The following KCNK1 variants were observed in gnomAD, a reference collection of about 807,000 sequenced individuals.
KCNK1 encodes the protein potassium channel subfamily K member 1.
Under a neutral mutation model 22.2 loss-of-function variants are expected in KCNK1, and 10 were observed. That is an observed-to-expected ratio of 0.45 (90% confidence interval 0.28 to 0.76). KCNK1 has a LOEUF of 0.76. Among genes scored for constraint, KCNK1 ranks in the 30% least tolerant of loss-of-function variants. The pLI, the probability that KCNK1 is intolerant of heterozygous loss-of-function variation, is 0.14. For missense variants in KCNK1, 378 were observed against 421.0 expected, an observed-to-expected ratio of 0.90 and a Z score of 0.89; for synonymous variants, 200 against 186.4, an observed-to-expected ratio of 1.07 and a Z score of -0.60.
At chr1:233,657,177 T>C (rs898674675) in intron 1 of KCNK1, among the ~76,000 whole-genome samples, 1 of 152,158 alleles carries the variant, frequency 6.6e-6, no homozygotes, top group African/African-American at 2.4e-5. Context: ...TTTAGCTTGG[T>C]GAGAGGGGGA....
chr1:233,621,574 A>G (rs1487794796), intron 1 of KCNK1, among the ~76,000 whole-genome samples: 2 of 152,188 alleles, frequency 1.3e-5, no homozygotes, highest in African/African-American at 4.8e-5. Context: ...AAATATCTCA[A>G]CATGTTTCTA....
chr1:233,616,685 G>T (rs1404347538), intron 1 of KCNK1, among the ~76,000 whole-genome samples: 1 of 152,200 alleles, frequency 6.6e-6, no homozygotes, highest in Non-Finnish European at 1.5e-5. Context: ...GTACTCTTCT[G>T]TTGGCTTTGT....
chr1:233,653,813 CTCT>C (rs1476459548), intron 1 of KCNK1, among the ~76,000 whole-genome samples: 27 of 152,214 alleles, frequency 1.8e-4, no homozygotes, highest in African/African-American at 6.5e-4. Flanking sequence ...CATAATAAAT[CTCT>C]TCTTATATAT....
At chr1:233,626,899 G>C (rs758069086) in intron 1 of KCNK1, among the ~76,000 whole-genome samples, 2 of 151,878 alleles carry the variant, frequency 1.3e-5, no homozygotes, top group Admixed American at 1.3e-4. Context: ...ATAATTCAAA[G>C]AATAAATAAA....
chr1:233,661,184 C>T (rs995449441), intron 1 of KCNK1, among the ~76,000 whole-genome samples: 1 of 152,176 alleles, frequency 6.6e-6, no homozygotes, highest in African/African-American at 2.4e-5. Flanking sequence ...ATGAGTTCCC[C>T]TTGCCTAAGT....
intron 1 of KCNK1, among the ~76,000 whole-genome samples, chr1:233,664,407 C>T (rs1658454677): frequency 1.3e-5 from 2 of 152,192 alleles, no homozygotes. Context: ...AAGGCACTCT[C>T]CAACTTGCCC....
chr1:233,636,270 G>T (rs1355448081), intron 1 of KCNK1, among the ~76,000 whole-genome samples: 1 of 152,172 alleles, frequency 6.6e-6, no homozygotes, highest in East Asian at 1.9e-4. Flanking sequence ...TTTTCTTAGG[G>T]TTGCTGTGGC....
At chr1:233,620,268 AC>A (rs963258592) in intron 1 of KCNK1, among the ~76,000 whole-genome samples, 5 of 152,208 alleles carry the variant, frequency 3.3e-5, no homozygotes, top group Admixed American at 1.3e-4. Flanking sequence ...TTACTGTCTC[AC>A]AAAAAAAGTT....
At chr1:233,635,742 C>G (rs1205496562) in intron 1 of KCNK1, among the ~76,000 whole-genome samples, 1 of 152,070 alleles carries the variant, frequency 6.6e-6, no homozygotes, top group African/African-American at 2.4e-5. Context: ...TGAGGAACAT[C>G]AGGGAACAAC....
At chr1:233,636,809 G>C (rs1657906177) in intron 1 of KCNK1, among the ~76,000 whole-genome samples, 1 of 152,104 alleles carries the variant, frequency 6.6e-6, no homozygotes, top group South Asian at 2.1e-4. Flanking sequence ...AGGCAGCAGG[G>C]GGATCATGGT....
rs1657448467 is a variant in KCNK1, at chr1:233,614,546, C to T, written c.355+20C>T. The T allele has an allele frequency of 2.6e-6, 4 of 1,525,422 alleles. No homozygotes were observed. Among genetic ancestry groups the T allele is most frequent in the Non-Finnish European group, 3.5e-6 (4 of 1,130,174 alleles). 94.5% of individuals were successfully genotyped at this position (1,525,422 alleles called of 1,614,324 possible). Reference sequence around the variant, plus strand: ...CCACAGGTAGGGTATCCTGCGCGCCCCCTGGCCGCCCCGGCCACCTCGCCC... The same window carrying T: ...CCACAGGTAGGGTATCCTGCGCGCCTCCTGGCCGCCCCGGCCACCTCGCCC... On this transcript the variant is annotated intron_variant, in intron 1 of 2. Coordinates refer to ENST00000366621, the MANE Select transcript of KCNK1 (RefSeq NM_002245.4).
At chr1:233,651,615 A>G (rs555895521) in intron 1 of KCNK1, among the ~76,000 whole-genome samples, 3 of 152,360 alleles carry the variant, frequency 2.0e-5, no homozygotes, top group South Asian at 2.1e-4. Context: ...AGAACATAGT[A>G]TATGATTCTC....
At chr1:233,618,806 C>G (rs531164109) in intron 1 of KCNK1, among the ~76,000 whole-genome samples, 1 of 152,174 alleles carries the variant, frequency 6.6e-6, no homozygotes, top group Admixed American at 6.5e-5. Context: ...ATGGCTTGAA[C>G]CCGGGAGGCG....
intron 1 of KCNK1, chr1:233,631,139 T>C: frequency 4.8e-6 from 2 of 419,162 alleles, no homozygotes; most frequent in Non-Finnish European, 1.0e-5. Flanking sequence ...GCCTCATCTC[T>C]GGCTCTCAGA....
At chr1:233,655,219 A>G (rs914314383) in intron 1 of KCNK1, among the ~76,000 whole-genome samples, 2 of 152,206 alleles carry the variant, frequency 1.3e-5, no homozygotes, top group African/African-American at 2.4e-5. Flanking sequence ...CTTTCTTTCT[A>G]TTCTTTTCTT....
In KCNK1 at chr1:233,614,224, G is replaced by T. The variant is rs1214050251; in HGVS notation, c.53G>T (p.Arg18Leu). The change falls in exon 1 of 3, where the codon CGC becomes CTC. Residue 18 changes from arginine to leucine, a missense_variant. Arg to Leu is a moderately radical substitution (Grantham distance 102, BLOSUM62 -2). Transcript: ENST00000366621. ...SSCVRLVERH[R>L]SAWCFGFLVL... ...TGCGTGCGCCTGGTGGAGCGGCACC[G>T]CTCGGCCTGGTGCTTCGGCTTCCTG... 1 of 1,611,524 alleles carries T rather than the reference G, an allele frequency of 6.2e-7. No homozygotes were observed. Among genetic ancestry groups the T allele is most frequent in the Non-Finnish European group, 8.5e-7 (1 of 1,179,822 alleles).
chr1:233,661,661 G>A (rs958457410), intron 1 of KCNK1, among the ~76,000 whole-genome samples: 3 of 151,998 alleles, frequency 2.0e-5, no homozygotes, highest in African/African-American at 7.3e-5. Context: ...TCTCTCTCTG[G>A]CAAACTTCTT....
chr1:233,614,978 C>A (rs1693236), intron 1 of KCNK1, among the ~76,000 whole-genome samples: 82,845 of 151,716 alleles, frequency 0.55, 25,312 homozygotes, highest in African/African-American at 0.83. Flanking sequence ...CTTCCTCCCG[C>A]ACCCATCCCA....
At chr1:233,645,761 T>C (rs756502215) in intron 1 of KCNK1, among the ~76,000 whole-genome samples, 1 of 151,988 alleles carries the variant, frequency 6.6e-6, no homozygotes, top group African/African-American at 2.4e-5. Flanking sequence ...ATTGGAATCA[T>C]GGGGGAAATA....
Sources: gnomAD v4.1 joint callset for allele counts (sites outside exome capture counted in the v4.1 genomes callset) on GRCh38, gnomAD v4.1.1 for gene constraint, MANE v1.5 for transcripts, NCBI Gene and HGNC (gene_info 2026-07-23, HGNC 2026-07-21) for gene names.